BIN3: variants seen among roughly 807,000 people sequenced by gnomAD.
BIN3 encodes bridging integrator 3.
BIN3 carries 41 observed loss-of-function variants against 38.2 expected under a neutral mutation model. The observed-to-expected ratio is 1.07, with a 90% CI of 0.84 to 1.39. The LOEUF (loss-of-function observed/expected upper bound fraction) is 1.39. Ranked by LOEUF, BIN3 falls within the 40% of genes most tolerant of loss-of-function variation. The pLI is 0.00. For synonymous variants in BIN3, 145 were observed against 122.6 expected (o/e 1.18, Z -1.21); for missense variants, 361 against 324.3 (o/e 1.11, Z -0.87).
intron 1 of BIN3, among the ~76,000 whole-genome samples, chr8:22,647,099 CA>C (rs1203104400): frequency 1.3e-5 from 2 of 152,180 alleles, no homozygotes; most frequent in Admixed American, 1.3e-4. Flanking sequence ...AACTATAAAA[CA>C]AAGGAGTTGG....
chr8:22,650,161 G>GTAAA lies in BIN3; in HGVS notation c.9-5362_9-5359dup. ...CTATTATGAACAAAAACTCCAATAG[G>GTAAA]TAAATCTTGGTGTGCACTAAGAGTC... On this transcript the variant is annotated intron_variant, in intron 1 of 8. Coordinates refer to ENST00000276416, the MANE Select transcript of BIN3 (RefSeq NM_018688.6). Among the ~76,000 whole-genome samples, 3 of 152,224 alleles carry GTAAA rather than the reference G, an allele frequency of 2.0e-5. 1 individual carries two copies. The highest frequency in any genetic ancestry group is 2.0e-4 in the Admixed American group (3 of 15,294).
intron 1 of BIN3, among the ~76,000 whole-genome samples, chr8:22,648,982 T>G (rs140577402): frequency 1.3e-5 from 2 of 152,148 alleles, no homozygotes; most frequent in African/African-American, 2.4e-5. Context: ...CTCTACGACA[T>G]GTACCAAGTG....
rs541492500 is a variant in BIN3 at position 22,631,663 on chromosome 8, A to G, written c.161-1085T>C. On this transcript the variant is annotated intron_variant, in intron 4 of 8. Coordinates refer to ENST00000276416, the MANE Select transcript of BIN3 (RefSeq NM_018688.6). The stretch of plus-strand genomic sequence containing the variant: ...GATCTGGCCTAGAGGAAGCCAGTGG[A>G]CAGGTCCATCAGGCTCTGTCCATCA... Among the ~76,000 whole-genome samples, 316 of 152,256 alleles carry G rather than the reference A, an allele frequency of 2.1e-3. 1 individual carries two copies. Among genetic ancestry groups the G allele is most frequent in the Non-Finnish European group, 3.8e-3 (260 of 68,022 alleles).
rs3779725 is a variant in BIN3 at position 22,641,655 on chromosome 8, C to G, written c.57+3100G>C. On this transcript the variant is annotated intron_variant, in intron 2 of 8. Transcript: ENST00000276416. ...AGCAGGATTAACGAGGCTAAGGGCC[C>G]CGCCACCTGGCAGATGAAAATCCTT... Among the ~76,000 whole-genome samples the G allele has an allele frequency of 2.3e-3, 352 of 152,264 alleles. 7 individuals carry two copies. In the East Asian group the frequency reaches 0.063, roughly 27 times the overall value.
chr8:22,645,940 T>C (rs577010309), intron 1 of BIN3, among the ~76,000 whole-genome samples: 24 of 152,346 alleles, frequency 1.6e-4, no homozygotes, highest in Middle Eastern at 3.4e-3. Flanking sequence ...TTGGACTTGC[T>C]ATGAAGAGCT....
chr8:22,636,613 G>A, intron 3 of BIN3, 27 bp from the exon 4 acceptor site: 1 of 1,550,336 alleles, frequency 6.5e-7, no homozygotes, highest in East Asian at 2.4e-5. Flanking sequence ...GGGCTGCTTG[G>A]GGTCCCCTTC....
intron 4 of BIN3, chr8:22,634,479 G>A (rs1264838785): frequency 4.4e-6 from 2 of 456,306 alleles, no homozygotes; most frequent in Non-Finnish European, 8.8e-6. Flanking sequence ...TCAGTGCTTT[G>A]TAGGAAAGGT....
At chr8:22,625,015 T>C (rs773316325) in intron 6 of BIN3, 2 of 366,242 alleles carry the variant, frequency 5.5e-6, no homozygotes, top group Non-Finnish European at 1.0e-5. Context: ...CTTGGCAACA[T>C]GAAAGCAGCA....
intron 4 of BIN3, among the ~76,000 whole-genome samples, chr8:22,633,016 A>G (rs1263373634): frequency 6.6e-6 from 1 of 151,992 alleles, no homozygotes; most frequent in Admixed American, 6.6e-5. Flanking sequence ...GCCCAGCTGC[A>G]TTTTCCCCTT....
At chr8:22,632,483 C>T (rs911540841) in intron 4 of BIN3, among the ~76,000 whole-genome samples, 8 of 152,164 alleles carry the variant, frequency 5.3e-5, no homozygotes, top group Non-Finnish European at 1.0e-4. Context: ...GGGAAAAACA[C>T]CTCTTAAATT....
At chr8:22,632,103 A>C (rs956199676) in intron 4 of BIN3, among the ~76,000 whole-genome samples, 6 of 152,226 alleles carry the variant, frequency 3.9e-5, no homozygotes, top group Admixed American at 3.9e-4. Flanking sequence ...TGAACTACTA[A>C]GGGAGAAAAA....
rs111416755 is a variant in BIN3, at chr8:22,646,996, C to T, written c.9-2193G>A. The stretch of plus-strand genomic sequence containing the variant: ...GTGGGAAGCATGCTGCAGCTGAAAG[C>T]GCTCTCGACCCGGTATCAGAAAACG... On this transcript the variant is annotated intron_variant, in intron 1 of 8. Transcript: ENST00000276416. Among the ~76,000 whole-genome samples, 752 of 152,298 alleles carry T rather than the reference C, an allele frequency of 4.9e-3. 3 individuals carry two copies. Among genetic ancestry groups the T allele is most frequent in the Middle Eastern group, 0.02 (6 of 294 alleles).
At chr8:22,634,067 A>T (rs996832024) in intron 4 of BIN3, among the ~76,000 whole-genome samples, 6 of 152,242 alleles carry the variant, frequency 3.9e-5, no homozygotes, top group Admixed American at 3.9e-4. Context: ...CTGTGAACAC[A>T]GCACACCCTG....
chr8:22,649,807 A>C (rs1002423630), intron 1 of BIN3, among the ~76,000 whole-genome samples: 12 of 141,908 alleles, frequency 8.5e-5, no homozygotes, highest in African/African-American at 2.7e-4. Context: ...AAAAACGCAA[A>C]GGACAACACA....
intron 1 of BIN3, among the ~76,000 whole-genome samples, chr8:22,661,873 C>G (rs988069581): frequency 6.6e-6 from 1 of 152,120 alleles, no homozygotes; most frequent in African/African-American, 2.4e-5. Flanking sequence ...TCACTGCAAT[C>G]TCCACCTCCC....
chr8:22,661,320 T>A (rs1435427470), intron 1 of BIN3, among the ~76,000 whole-genome samples: 1 of 148,342 alleles, frequency 6.7e-6, no homozygotes. Flanking sequence ...GTCTAATGTT[T>A]ACATAAATAG....
At chr8:22,649,903 TAC>T (rs200847425) in intron 1 of BIN3, among the ~76,000 whole-genome samples, 209 of 151,398 alleles carry the variant, frequency 1.4e-3, no homozygotes, top group African/African-American at 4.9e-3. Flanking sequence ...TCACAGTGTG[TAC>T]ATGTGTGTGT....
intron 2 of BIN3, among the ~76,000 whole-genome samples, chr8:22,640,932 G>A (rs546012807): frequency 1.3e-5 from 2 of 152,274 alleles, no homozygotes; most frequent in African/African-American, 4.8e-5. Context: ...AGCCTGAGAG[G>A]AGTTTGGACA....
chr8:22,623,768 T>C (rs1383430969), intron 8 of BIN3, 147 bp downstream of exon 8: 11 of 1,060,314 alleles, frequency 1.0e-5, no homozygotes, highest in Non-Finnish European at 1.5e-5. Context: ...GGGACTCTGG[T>C]AATGGAATGA....
Sources: allele counts gnomAD v4.1 joint callset (sites outside exome capture counted in the v4.1 genomes callset), GRCh38; gene constraint gnomAD v4.1.1; transcripts MANE v1.5; gene names NCBI Gene and HGNC (gene_info 2026-07-23, HGNC 2026-07-21).